Variants in ADCY2 observed in about 807,000 individuals in gnomAD.
ADCY2 encodes the protein adenylate cyclase 2.
A neutral mutation model predicts 125.2 loss-of-function variants in ADCY2; 31 were observed. The ratio of observed to expected loss-of-function variants is 0.25; its 90% CI spans 0.19 to 0.33. The LOEUF is 0.33. ADCY2 is among the 10% of genes least tolerant of loss of function. ADCY2 has a pLI of 1.00. For missense variants in ADCY2, 904 were observed against 1,418.2 expected, an observed-to-expected ratio of 0.64 and a Z score of 5.82; for synonymous variants, 512 against 548.4, an observed-to-expected ratio of 0.93 and a Z score of 0.93.
intron 9 of ADCY2, among the ~76,000 whole-genome samples, chr5:7,708,761 G>T (rs1741344126): frequency 6.6e-6 from 1 of 152,198 alleles, no homozygotes; most frequent in East Asian, 1.9e-4. Flanking sequence ...AAGCAGCAGG[G>T]ACTGGGAGAT....
intron 4 of ADCY2, among the ~76,000 whole-genome samples, chr5:7,638,443 AGT>A (rs1738580681): frequency 1.3e-5 from 2 of 152,156 alleles, no homozygotes; most frequent in Non-Finnish European, 2.9e-5. Context: ...CTGCCCTTCT[AGT>A]GTGTTTCTGT....
intron 4 of ADCY2, among the ~76,000 whole-genome samples, chr5:7,668,383 C>G (rs1739826525): frequency 2.6e-5 from 4 of 152,190 alleles, no homozygotes; most frequent in Admixed American, 2.6e-4. Context: ...CTTAACTTGC[C>G]AGCTCCTGCA....
chr5:7,518,497 T>G (rs1361241867), intron 2 of ADCY2, among the ~76,000 whole-genome samples: 6 of 152,164 alleles, frequency 3.9e-5, no homozygotes, highest in African/African-American at 1.2e-4. Context: ...ATAATAATGC[T>G]TTACTGAAAA....
At chr5:7,476,211 G>A (rs188714564) in intron 2 of ADCY2, among the ~76,000 whole-genome samples, 308 of 152,034 alleles carry the variant, frequency 2.0e-3, no homozygotes, top group Non-Finnish European at 2.9e-3. Context: ...AGTAGGAGAC[G>A]TCTGGATGGG....
At position 7,532,972 on chromosome 5, in the gene ADCY2, A is replaced by G. The variant is rs183045174; in HGVS notation, c.570+12073A>G. Among the ~76,000 whole-genome samples the G allele has an allele frequency of 2.1e-3, 318 of 151,282 alleles. 2 individuals carry two copies. The highest frequency in any genetic ancestry group is 3.3e-3 in the Non-Finnish European group (226 of 67,810). On this transcript the variant is annotated intron_variant, in intron 3 of 24. Transcript: ENST00000338316. Reference sequence around the variant, plus strand: ...TTTAATCTCAAATGTTTTTATATACACATTTATATGTAAATATGTGTATAT... The same window carrying G: ...TTTAATCTCAAATGTTTTTATATACGCATTTATATGTAAATATGTGTATAT...
At chr5:7,715,393 TCTTAGA>T (rs776059859) in intron 11 of ADCY2, among the ~76,000 whole-genome samples, 18 of 152,136 alleles carry the variant, frequency 1.2e-4, no homozygotes, top group Non-Finnish European at 2.5e-4. Context: ...CACTGCTCCT[TCTTAGA>T]CTTTGCAGAA....
intron 3 of ADCY2, among the ~76,000 whole-genome samples, chr5:7,610,005 A>C (rs1737516914): frequency 6.6e-6 from 1 of 152,180 alleles, no homozygotes; most frequent in Non-Finnish European, 1.5e-5. Context: ...AGTGGAGCTG[A>C]GACAGGGCAT....
chr5:7,662,770 A>G (rs1739577251), intron 4 of ADCY2, among the ~76,000 whole-genome samples: 1 of 152,212 alleles, frequency 6.6e-6, no homozygotes, highest in Non-Finnish European at 1.5e-5. Flanking sequence ...TGCGTAAAGA[A>G]TCTCCTGAAA....
intron 2 of ADCY2, among the ~76,000 whole-genome samples, chr5:7,452,316 T>G (rs1048590588): frequency 5.3e-5 from 8 of 152,208 alleles, no homozygotes; most frequent in Non-Finnish European, 1.2e-4. Context: ...CACTCATAGC[T>G]TAGCTTCCAC....
chr5:7,436,630 TC>T (rs1467419018), intron 2 of ADCY2, among the ~76,000 whole-genome samples: 4 of 152,216 alleles, frequency 2.6e-5, no homozygotes, highest in African/African-American at 9.6e-5. Context: ...TGATAAATCA[TC>T]CCTGGATGTT....
At chr5:7,819,382 A>G (rs1022895508) in intron 23 of ADCY2, among the ~76,000 whole-genome samples, 1 of 152,222 alleles carries the variant, frequency 6.6e-6, no homozygotes, top group African/African-American at 2.4e-5. Flanking sequence ...CCTGCACTGC[A>G]GCATGGGACC....
chr5:7,435,430 A>G (rs1297237235), intron 2 of ADCY2, among the ~76,000 whole-genome samples: 3 of 152,178 alleles, frequency 2.0e-5, no homozygotes, highest in East Asian at 1.9e-4. Flanking sequence ...ATCATACGAC[A>G]TAATCAGAAT....
In ADCY2 at chr5:7,794,838, G is replaced by T. The variant is rs150984169; in HGVS notation, c.2628+5038G>T. ...ATTGTGTGGCCTTGCACAGCTGAAT[G>T]ATAACGGTGCCCATGCTGTTTAAGA... is the stretch of plus-strand genomic sequence containing the variant. On this transcript the variant is annotated intron_variant, in intron 20 of 24. Transcript: ENST00000338316. 564 of 152,210 alleles carry T rather than the reference G, an allele frequency of 3.7e-3. 7 individuals carry two copies. Among genetic ancestry groups the T allele is most frequent in the Non-Finnish European group, 6.0e-3 (406 of 68,030 alleles). 9.4% of individuals were successfully genotyped at this position (152,210 alleles called of 1,614,324 possible).
intron 2 of ADCY2, among the ~76,000 whole-genome samples, chr5:7,456,001 T>G (rs1327892599): frequency 1.3e-5 from 2 of 151,010 alleles, no homozygotes; most frequent in Non-Finnish European, 3.0e-5. Context: ...AAATAAAAAT[T>G]TTATCTGCCA....
At chr5:7,556,801 T>C (rs1735520927) in intron 3 of ADCY2, among the ~76,000 whole-genome samples, 1 of 151,932 alleles carries the variant, frequency 6.6e-6, no homozygotes, top group South Asian at 2.1e-4. Context: ...GGGATCTAGG[T>C]TGTGTGCTCC....
chr5:7,780,397 C>A (rs1743880722), intron 18 of ADCY2, among the ~76,000 whole-genome samples: 1 of 152,056 alleles, frequency 6.6e-6, no homozygotes, highest in Non-Finnish European at 1.5e-5. Flanking sequence ...ATTTGGGGGT[C>A]ACTTGTGGAC....
intron 19 of ADCY2, among the ~76,000 whole-genome samples, chr5:7,786,857 G>T (rs144835055): frequency 1.9e-3 from 286 of 152,256 alleles, no homozygotes; most frequent in African/African-American, 6.7e-3. Flanking sequence ...CCCAGTAACT[G>T]GTTCTTCTGT....
intron 2 of ADCY2, among the ~76,000 whole-genome samples, chr5:7,510,979 AC>A (rs1423188047): frequency 6.6e-6 from 1 of 152,216 alleles, no homozygotes; most frequent in Non-Finnish European, 1.5e-5. Flanking sequence ...AGCACCTGAC[AC>A]ATGCCCTGGA....
At chr5:7,447,125 C>T (rs1163108874) in intron 2 of ADCY2, among the ~76,000 whole-genome samples, 1 of 152,166 alleles carries the variant, frequency 6.6e-6, no homozygotes, top group Non-Finnish European at 1.5e-5. Context: ...GGTACAAGGG[C>T]TGAAGTTAAA....
Sources: gnomAD v4.1 joint callset for allele counts (sites outside exome capture counted in the v4.1 genomes callset) on GRCh38, gnomAD v4.1.1 for gene constraint, MANE v1.5 for transcripts, NCBI Gene and HGNC (gene_info 2026-07-23, HGNC 2026-07-21) for gene names.